BMPR2: variants seen among roughly 807,000 people sequenced by gnomAD.
BMPR2 encodes bone morphogenetic protein receptor type 2, also known as bone morphogenetic protein receptor type-2.
Under a neutral mutation model 100.8 loss-of-function variants are expected in BMPR2, and 29 were observed. The ratio of observed to expected loss-of-function variants is 0.29; its 90% confidence interval spans 0.21 to 0.39. The LOEUF is 0.39. Ranked by LOEUF, BMPR2 falls within the 10% of genes least tolerant of loss-of-function variation. BMPR2 has a pLI of 1.00. For missense variants in BMPR2, 1,011 were observed against 1,274.5 expected (o/e 0.79, Z 3.15); for synonymous variants, 382 against 442.3 (o/e 0.86, Z 1.71).
chr2:202,447,572 C>T (rs146100856), intron 1 of BMPR2, among the ~76,000 whole-genome samples: 5 of 150,326 alleles, frequency 3.3e-5, no homozygotes, highest in Middle Eastern at 3.4e-3. Context: ...TCCAGCTACT[C>T]GGGAGGCTGA....
intron 1 of BMPR2, among the ~76,000 whole-genome samples, chr2:202,382,518 T>G (rs1386928237): frequency 1.3e-5 from 2 of 152,218 alleles, no homozygotes; most frequent in African/African-American, 4.8e-5. Flanking sequence ...ATTTGCCTTG[T>G]CCTTCCTACT....
At chr2:202,443,077 C>G (rs768002119) in intron 1 of BMPR2, among the ~76,000 whole-genome samples, 4 of 150,470 alleles carry the variant, frequency 2.7e-5, no homozygotes, top group Non-Finnish European at 5.9e-5. Context: ...AGGAAGACAC[C>G]AGATCTTTTT....
intron 2 of BMPR2, among the ~76,000 whole-genome samples, chr2:202,466,750 C>T (rs573739589): frequency 1.3e-5 from 2 of 151,878 alleles, no homozygotes; most frequent in Non-Finnish European, 2.9e-5. Context: ...AACTAGGCAC[C>T]ACCATTCCCA....
Position 202,542,460 on chromosome 2 carries a change from T to C in BMPR2, c.1413+13T>C. The C allele has an allele frequency of 6.2e-7, 1 of 1,613,436 alleles. No individual in the cohort carries two copies. The highest frequency in any genetic ancestry group is 1.3e-5 in the African/African-American group (1 of 75,012). ...AGAAAATAGCCTGGTAAGAAAAAAC[T>C]AAGTTATTAAAGAGAGGACTTATGA... is the stretch of plus-strand genomic sequence containing the variant. On this transcript the variant is annotated intron_variant, in intron 10 of 12. Transcript: ENST00000374580.
chr2:202,501,156 A>G (rs1687382654), intron 3 of BMPR2, among the ~76,000 whole-genome samples: 1 of 152,238 alleles, frequency 6.6e-6, no homozygotes. Flanking sequence ...CTTTGCCTAC[A>G]GCAGGTTAAA....
intron 1 of BMPR2, among the ~76,000 whole-genome samples, chr2:202,432,980 G>A (rs1691537650): frequency 1.3e-5 from 2 of 150,532 alleles, no homozygotes; most frequent in South Asian, 4.2e-4. Flanking sequence ...AGCTGGTAAG[G>A]TGGTATCTAG....
At chr2:202,450,497 G>A (rs759401910) in intron 1 of BMPR2, among the ~76,000 whole-genome samples, 1 of 152,074 alleles carries the variant, frequency 6.6e-6, no homozygotes. Context: ...GTTGAGACCA[G>A]CCTGACCAAC....
intron 1 of BMPR2, among the ~76,000 whole-genome samples, chr2:202,422,468 G>A (rs1315086552): frequency 1.3e-5 from 2 of 149,892 alleles, no homozygotes; most frequent in East Asian, 4.1e-4. Flanking sequence ...CACCATGCCC[G>A]GCTAATTTTT....
intron 3 of BMPR2, among the ~76,000 whole-genome samples, chr2:202,487,046 G>T (rs1216960020): frequency 6.6e-6 from 1 of 151,596 alleles, no homozygotes; most frequent in African/African-American, 2.4e-5. Context: ...TATTATAATT[G>T]ATTTCCCCAT....
intron 1 of BMPR2, among the ~76,000 whole-genome samples, chr2:202,451,594 G>A (rs967932943): frequency 6.6e-6 from 1 of 152,104 alleles, no homozygotes. Flanking sequence ...AGCTACTCGG[G>A]TGGCTGAGGC....
At chr2:202,431,666 A>G (rs1365506036) in intron 1 of BMPR2, among the ~76,000 whole-genome samples, 2 of 150,184 alleles carry the variant, frequency 1.3e-5, no homozygotes, top group African/African-American at 2.5e-5. Context: ...ATTGCCTACA[A>G]TATTCAGTAG....
intron 7 of BMPR2, among the ~76,000 whole-genome samples, chr2:202,524,513 C>G (rs554178786): frequency 1.4e-4 from 22 of 152,184 alleles, no homozygotes; most frequent in African/African-American, 5.3e-4. Flanking sequence ...AGGCCAGGTA[C>G]CATGGCTCAC....
intron 1 of BMPR2, among the ~76,000 whole-genome samples, chr2:202,444,806 G>T (rs1246735091): frequency 6.6e-6 from 1 of 150,560 alleles, no homozygotes; most frequent in Non-Finnish European, 1.5e-5. Flanking sequence ...TTTATTTTTT[G>T]AGATGGAGTT....
chr2:202,540,651 A>T (rs1178466976), intron 9 of BMPR2, among the ~76,000 whole-genome samples: 1 of 152,210 alleles, frequency 6.6e-6, no homozygotes, highest in East Asian at 1.9e-4. Context: ...TAAATGAAAC[A>T]TAAACTTATT....
At chr2:202,422,525 C>G (rs1289985869) in intron 1 of BMPR2, among the ~76,000 whole-genome samples, 1 of 151,972 alleles carries the variant, frequency 6.6e-6, no homozygotes, top group Non-Finnish European at 1.5e-5. Context: ...CCAGGATGGT[C>G]TCGATCTCGT....
intron 1 of BMPR2, among the ~76,000 whole-genome samples, chr2:202,381,010 G>A (rs13386740): frequency 0.15 from 17,701 of 117,172 alleles, 1,480 homozygotes; most frequent in Middle Eastern, 0.27. Context: ...AGTCTGGCTC[G>A]GTCACCCAGA....
intron 1 of BMPR2, among the ~76,000 whole-genome samples, chr2:202,434,726 C>T (rs1267546878): frequency 1.4e-5 from 2 of 147,566 alleles, no homozygotes; most frequent in East Asian, 1.9e-4. Flanking sequence ...GGGGCTCAAG[C>T]GAGCATCCTA....
At chr2:202,505,362 T>A (rs1212110254) in intron 3 of BMPR2, 10 of 150,370 alleles carry the variant, frequency 6.7e-5, no homozygotes, top group African/African-American at 1.5e-4. Flanking sequence ...TTTTTTTTTT[T>A]AATAAATTTT....
At chr2:202,519,295 G>A (rs1403952813) in intron 6 of BMPR2, among the ~76,000 whole-genome samples, 1 of 152,300 alleles carries the variant, frequency 6.6e-6, no homozygotes, top group East Asian at 1.9e-4. Flanking sequence ...CCCGGTAGGC[G>A]GAGGTTGCAG....
Sources: gnomAD v4.1 joint callset for allele counts (sites outside exome capture counted in the v4.1 genomes callset) on GRCh38, gnomAD v4.1.1 for gene constraint, MANE v1.5 for transcripts, NCBI Gene and HGNC (gene_info 2026-07-23, HGNC 2026-07-21) for gene names.